The following KATNA1 variants were observed in gnomAD, a reference collection of about 807,000 sequenced individuals.
The protein encoded by KATNA1 is katanin p60 ATPase-containing subunit A1.
Under a neutral mutation model 62.6 loss-of-function variants are expected in KATNA1, and 42 were observed. That is an observed-to-expected ratio of 0.67 (90% CI 0.52 to 0.87). The LOEUF is 0.87. Ranked by LOEUF, KATNA1 falls within the 40% of genes least tolerant of loss-of-function variation. The probability of loss-of-function intolerance (pLI) is 0.00; values close to 1 mark genes in which losing one functional copy is unlikely to be tolerated. For missense variants in KATNA1, 498 were observed against 612.5 expected (o/e 0.81, Z 1.97); for synonymous variants, 186 against 201.9 (o/e 0.92, Z 0.67).
intron 3 of KATNA1, among the ~76,000 whole-genome samples, chr6:149,624,893 A>G (rs549262185): frequency 1.5e-4 from 23 of 150,964 alleles, no homozygotes; most frequent in African/African-American, 5.1e-4. Context: ...CAGACCTAGC[A>G]CCATGGCAAT....
intron 4 of KATNA1, among the ~76,000 whole-genome samples, chr6:149,614,672 G>A (rs1183772725): frequency 6.6e-6 from 1 of 152,168 alleles, no homozygotes; most frequent in Non-Finnish European, 1.5e-5. Context: ...TACTCAGGAA[G>A]CTAAGGTGGG....
intron 4 of KATNA1, among the ~76,000 whole-genome samples, chr6:149,613,209 A>AAAAAAAAAAAAAAAAAAAAAAAC (rs1779031676): frequency 7.0e-6 from 1 of 141,874 alleles, no homozygotes. Context: ...AAAAAAAAAA[A>AAAAAAAAAAAAAAAAAAAAAAAC]AAAAAAAAGA....
At chr6:149,600,581 C>T (rs1426975047) in intron 7 of KATNA1, among the ~76,000 whole-genome samples, 5 of 151,712 alleles carry the variant, frequency 3.3e-5, no homozygotes, top group African/African-American at 7.3e-5. Flanking sequence ...TGCTGTGAGC[C>T]GAGATTGCAA....
At chr6:149,633,252 C>T (rs1475681514) in intron 2 of KATNA1, among the ~76,000 whole-genome samples, 3 of 151,438 alleles carry the variant, frequency 2.0e-5, no homozygotes, top group Admixed American at 6.6e-5. Context: ...GGACTACAGG[C>T]GCCCGCCACC....
In KATNA1 at chr6:149,648,459, G is replaced by T. The variant is rs1469070512; in HGVS notation, c.-14+10C>A. 1 of 152,252 alleles carries T rather than the reference G, an allele frequency of 6.6e-6. No homozygotes were observed. Among genetic ancestry groups the T allele is most frequent in the African/African-American group, 2.4e-5 (1 of 41,452 alleles). 9.4% of individuals were successfully genotyped at this position (152,252 alleles called of 1,614,324 possible). On this transcript the variant is annotated intron_variant, in intron 1 of 10. Coordinates refer to ENST00000367411, the MANE Select transcript of KATNA1 (RefSeq NM_007044.4). ...GGGGTCCCCAGAGCACCGCCAGAGTGAAAACTCACCTGCGGCGGCCCAAGC... is the reference window on the plus strand; with the variant it reads ...GGGGTCCCCAGAGCACCGCCAGAGTTAAAACTCACCTGCGGCGGCCCAAGC...
chr6:149,627,145 A>G lies in KATNA1; in HGVS notation c.321-3862T>C, dbSNP rs567154170. Among the ~76,000 whole-genome samples the G allele has an allele frequency of 1.9e-4, 29 of 151,902 alleles. 1 individual carries two copies. The South Asian group carries it at 3.5e-3, about 18-fold the overall frequency. On this transcript the variant is annotated intron_variant, in intron 3 of 10. Coordinates refer to ENST00000367411, the MANE Select transcript of KATNA1 (RefSeq NM_007044.4). Reference sequence around the variant, plus strand: ...CATGGTGGCTCATGCCTGTAATCCCAGCACTTTGAGGCTGAGGCAGGTGGA... The same window carrying G: ...CATGGTGGCTCATGCCTGTAATCCCGGCACTTTGAGGCTGAGGCAGGTGGA...
intron 7 of KATNA1, among the ~76,000 whole-genome samples, chr6:149,601,344 AG>A (rs1455539117): frequency 6.6e-6 from 1 of 152,230 alleles, no homozygotes; most frequent in East Asian, 1.9e-4. Context: ...ACAGAAGATT[AG>A]TAATGCAGAT....
chr6:149,647,079 A>G (rs1435414615), intron 1 of KATNA1, among the ~76,000 whole-genome samples: 1 of 152,092 alleles, frequency 6.6e-6, no homozygotes, highest in African/African-American at 2.4e-5. Flanking sequence ...TTGAATAACC[A>G]ACGCTATAAA....
At chr6:149,634,280 T>A (rs976782178) in intron 2 of KATNA1, among the ~76,000 whole-genome samples, 2 of 141,570 alleles carry the variant, frequency 1.4e-5, no homozygotes, top group South Asian at 2.1e-4. Context: ...CTCAAAAAAA[T>A]AAAATAAAAT....
At position 149,597,614 on chromosome 6, in the gene KATNA1, T is replaced by G. The variant is rs764285930; in HGVS notation, c.1043A>C (p.Asp348Ala). 5 of 1,613,744 alleles carry G rather than the reference T, an allele frequency of 3.1e-6. No homozygotes were observed. The African/African-American group carries it at 5.3e-5, about 17-fold the overall frequency. ...DGVGGTSEND[D>A]PSKMVMVLAA... is the part of the protein sequence containing the mutation. ...CAGAACCATAACCATTTTGGAAGGGTCATCATTTTCAGAAGTACCTCCAAC... is the reference window on the plus strand; with the variant it reads ...CAGAACCATAACCATTTTGGAAGGGGCATCATTTTCAGAAGTACCTCCAAC... Residue 348 changes from aspartate to alanine, a missense_variant, in exon 9 of 11, where the codon GAC becomes GCC. Transcript: ENST00000367411.
At chr6:149,611,335 G>A (rs1352989258) in intron 4 of KATNA1, among the ~76,000 whole-genome samples, 1 of 151,004 alleles carries the variant, frequency 6.6e-6, no homozygotes, top group Non-Finnish European at 1.5e-5. Flanking sequence ...GGTGGCGGGG[G>A]CCTGTAATCT....
At chr6:149,598,871 A>T (rs78838864) in intron 7 of KATNA1, among the ~76,000 whole-genome samples, 5,142 of 151,080 alleles carry the variant, frequency 0.034, 258 homozygotes, top group African/African-American at 0.11. Context: ...TTATTTATTT[A>T]TTTTTTTTTA....
rs959797169 is a variant in KATNA1, at chr6:149,604,727, C to T, written c.557G>A (p.Gly186Glu). The T allele has an allele frequency of 6.2e-7, 1 of 1,612,136 alleles. No homozygotes were observed. The highest frequency in any genetic ancestry group is 8.5e-7 in the Non-Finnish European group (1 of 1,178,306). Residue 186 changes from glycine (G) to glutamate (E), a missense_variant, in exon 5 of 11, where the codon GGA becomes GAA. Gly to Glu is a moderately conservative substitution (Grantham distance 98, BLOSUM62 -2). This residue lies in a region of KATNA1 where 203 missense variants were observed against 198.4 expected (regional missense o/e 1.02). Coordinates refer to ENST00000367411, the MANE Select transcript of KATNA1 (RefSeq NM_007044.4). ...AGCTTCTACTAAGTCTTTATCATATCCGGTACTATCAAATTTATTTGTCTC... is the reference window on the plus strand; with the variant it reads ...AGCTTCTACTAAGTCTTTATCATATTCGGTACTATCAAATTTATTTGTCTC... ...EPETNKFDST[G>E]YDKDLVEALE...
In KATNA1 at chr6:149,597,140, C is replaced by T. The variant is rs749089057; in HGVS notation, c.1200G>A (p.Leu400=). 2.5e-6 allele frequency: 4 copies of T among 1,614,164 alleles called. No homozygotes were observed. Among genetic ancestry groups the T allele is most frequent in the Non-Finnish European group, 2.5e-6 (3 of 1,180,022 alleles). Residue 400 remains leucine, a synonymous_variant, in exon 10 of 11, where the codon TTG becomes TTA. Transcript: ENST00000367411. ...LLRISLRELE[L]ADDVDLASIA... ...TACTTGCAAGGTCAACATCATCAGC[C>T]AATTCCAACTCACGTAGACTTATTC...
chr6:149,597,112 C>CG lies in KATNA1; in HGVS notation c.1227_1228insC (p.Ala410ArgfsTer29), dbSNP rs1237567115. On this transcript the variant is annotated frameshift_variant, in exon 10 of 11. Coordinates refer to ENST00000367411, the MANE Select transcript of KATNA1 (RefSeq NM_007044.4). LOFTEE classifies it high-confidence loss of function. ...CCTGAATAACCTTCCATGTTTTCTG[C>CG]TATACTTGCAAGGTCAACATCATCA... is the stretch of plus-strand genomic sequence containing the variant. 1 of 1,614,106 alleles carries CG rather than the reference C, an allele frequency of 6.2e-7. No individual in the cohort carries two copies. The highest frequency in any genetic ancestry group is 8.5e-7 in the Non-Finnish European group (1 of 1,179,940).
intron 1 of KATNA1, among the ~76,000 whole-genome samples, chr6:149,639,316 A>C (rs1421969107): frequency 6.6e-6 from 1 of 151,376 alleles, no homozygotes; most frequent in East Asian, 2.0e-4. Flanking sequence ...AAAACAAAAA[A>C]CAGGCCCGGT....
rs113263746 is a variant in KATNA1 at position 149,602,227 on chromosome 6, C to T, written c.730-475G>A. Among the ~76,000 whole-genome samples, 194 of 152,082 alleles carry T rather than the reference C, an allele frequency of 1.3e-3. 1 individual carries two copies. Among genetic ancestry groups the T allele is most frequent in the Non-Finnish European group, 2.2e-3 (151 of 67,978 alleles). On this transcript the variant is annotated intron_variant, in intron 6 of 10. Transcript: ENST00000367411. Reference sequence around the variant, plus strand: ...TAAAATACAAAAAAAGTTAGCTGGGCGTGGTGGTACATGCCTGTAATCCCA... The same window carrying T: ...TAAAATACAAAAAAAGTTAGCTGGGTGTGGTGGTACATGCCTGTAATCCCA...
chr6:149,631,463 T>G lies in KATNA1; in HGVS notation c.320+1296A>C, dbSNP rs1779831883. The G allele has an allele frequency of 2.6e-5, 4 of 151,836 alleles. No homozygotes were observed. The South Asian group carries it at 8.3e-4, about 32-fold the overall frequency. The allele number at this position is 151,836 out of a possible 1,614,324, so 9.4% of individuals were successfully genotyped here. A position where few individuals can be genotyped will look rare whatever the true frequency, so the allele number is the denominator to read the frequency against. On this transcript the variant is annotated intron_variant, in intron 3 of 10. Transcript: ENST00000367411. ...GCTGGTCCGAATGTAGTGAGTTATC[T>G]CAATTGATTGTTCACAGTCAGTTAC... is the stretch of plus-strand genomic sequence containing the variant.
chr6:149,637,364 C>T (rs565725273), intron 2 of KATNA1, among the ~76,000 whole-genome samples: 1 of 152,200 alleles, frequency 6.6e-6, no homozygotes, highest in African/African-American at 2.4e-5. Context: ...GCTGTAGAGA[C>T]TGCACTCCCT....
Sources: gnomAD v4.1 joint callset for allele counts (sites outside exome capture counted in the v4.1 genomes callset) on GRCh38, gnomAD v4.1.1 for gene constraint, gnomAD v4.1.1 regional missense constraint, MANE v1.5 for transcripts, NCBI Gene and HGNC (gene_info 2026-07-23, HGNC 2026-07-21) for gene names.